GALNTL6: variants seen among roughly 807,000 people sequenced by gnomAD.
GALNTL6 encodes the protein polypeptide N-acetylgalactosaminyltransferase like 6, also known as polypeptide N-acetylgalactosaminyltransferase-like 6.
In GALNTL6, 46 loss-of-function variants were observed where a neutral mutation model predicts 73.7. The ratio of observed to expected loss-of-function variants is 0.62; its 90% CI spans 0.49 to 0.80. The LOEUF is 0.80. Ranked by LOEUF, GALNTL6 falls within the 30% of genes least tolerant of loss-of-function variation. GALNTL6 has a pLI of 0.00. For synonymous variants in GALNTL6, 259 were observed against 263.7 expected, an observed-to-expected ratio of 0.98 and a Z score of 0.17; for missense variants, 604 against 755.0, an observed-to-expected ratio of 0.80 and a Z score of 2.34.
intron 5 of GALNTL6, among the ~76,000 whole-genome samples, chr4:172,575,345 T>A (rs1736920535): frequency 6.6e-6 from 1 of 152,202 alleles, no homozygotes; most frequent in Admixed American, 6.5e-5. Context: ...ATAATCATGA[T>A]GAAAGTCCAT....
intron 9 of GALNTL6, among the ~76,000 whole-genome samples, chr4:172,940,899 C>T (rs1748888316): frequency 6.6e-6 from 1 of 152,070 alleles, no homozygotes; most frequent in African/African-American, 2.4e-5. Flanking sequence ...TCTCAAACTC[C>T]AGGAGGCCTC....
chr4:172,849,303 T>C lies in GALNTL6; in HGVS notation c.924-33487T>C, dbSNP rs541857938. Among the ~76,000 whole-genome samples, 91 of 152,260 alleles carry C rather than the reference T, an allele frequency of 6.0e-4. 1 individual carries two copies. Among genetic ancestry groups the C allele is most frequent in the African/African-American group, 2.2e-3 (90 of 41,556 alleles). ...ATTCTCAGGATATTGAACAAGACAC[T>C]AGCTCATAGAATCCCAATTGAAGGT... On this transcript the variant is annotated intron_variant, in intron 7 of 12. Coordinates refer to ENST00000506823, the MANE Select transcript of GALNTL6 (RefSeq NM_001034845.3).
intron 2 of GALNTL6, among the ~76,000 whole-genome samples, chr4:171,841,743 T>C (rs542353866): frequency 3.3e-5 from 5 of 152,160 alleles, no homozygotes; most frequent in African/African-American, 1.2e-4. Flanking sequence ...TGTAAAATGG[T>C]TAATTCCAGA....
intron 7 of GALNTL6, among the ~76,000 whole-genome samples, chr4:172,874,303 G>A (rs1745082449): frequency 6.6e-6 from 1 of 152,172 alleles, no homozygotes; most frequent in South Asian, 2.1e-4. Flanking sequence ...TCCTTCCAGG[G>A]TTGGATGGAG....
At chr4:173,010,834 T>C (rs1302234997) in intron 11 of GALNTL6, among the ~76,000 whole-genome samples, 14 of 151,468 alleles carry the variant, frequency 9.2e-5, no homozygotes, top group Admixed American at 9.2e-4. Context: ...CTCGATCTCC[T>C]GACCTCATGA....
intron 3 of GALNTL6, among the ~76,000 whole-genome samples, chr4:172,309,280 T>G (rs1475116637): frequency 2.0e-5 from 3 of 152,114 alleles, no homozygotes; most frequent in Admixed American, 6.5e-5. Flanking sequence ...AAAGATACTT[T>G]TTTTTTGAGG....
intron 10 of GALNTL6, among the ~76,000 whole-genome samples, chr4:172,960,970 T>G (rs1423037307): frequency 4.6e-5 from 5 of 107,982 alleles, no homozygotes; most frequent in South Asian, 6.0e-4. Flanking sequence ...TCCAGGAAAG[T>G]GGAGAAGGGG....
At chr4:171,814,323 C>A in intron 1 of GALNTL6, 89 bp from the exon 2 acceptor site, 1 of 543,946 alleles carries the variant, frequency 1.8e-6, no homozygotes, top group South Asian at 2.3e-5. Context: ...TTAATGATTT[C>A]TTTAGTCAAG....
chr4:172,898,610 C>G (rs1004745797), intron 8 of GALNTL6, among the ~76,000 whole-genome samples: 13 of 152,014 alleles, frequency 8.6e-5, no homozygotes, highest in Non-Finnish European at 1.9e-4. Context: ...TAAAATCTAA[C>G]CAGTTATTGC....
chr4:172,200,582 G>A lies in GALNTL6; in HGVS notation c.139-29074G>A, dbSNP rs114762298. Among the ~76,000 whole-genome samples the A allele has an allele frequency of 9.9e-3, 1,505 of 152,196 alleles. 29 individuals carry two copies. Among genetic ancestry groups the A allele is most frequent in the African/African-American group, 0.035 (1,436 of 41,532 alleles). On this transcript the variant is annotated intron_variant, in intron 2 of 12. Transcript: ENST00000506823. ...TTTGAAACCGTGCACTGATGCAGAT[G>A]GCAAGATAGAATTTAGACTTTATGT...
chr4:172,906,797 G>A (rs546594560), intron 8 of GALNTL6, among the ~76,000 whole-genome samples: 1 of 152,328 alleles, frequency 6.6e-6, no homozygotes, highest in African/African-American at 2.4e-5. Context: ...GCCAGCAGGA[G>A]AATTTCTCTC....
chr4:171,866,235 C>G lies in GALNTL6; in HGVS notation c.138+51517C>G, dbSNP rs150079039. On this transcript the variant is annotated intron_variant, in intron 2 of 12. Transcript: ENST00000506823. ...TATTATATAATGTCTTTCATAAATC[C>G]TCTAAGGTAATTGATATAATTCAAC... Among the ~76,000 whole-genome samples, 1,175 of 151,976 alleles carry G rather than the reference C, an allele frequency of 7.7e-3. 21 individuals are homozygous for G. The highest frequency in any genetic ancestry group is 0.027 in the African/African-American group (1,117 of 41,486).
At chr4:173,006,616 G>C (rs565340701) in intron 10 of GALNTL6, among the ~76,000 whole-genome samples, 5 of 152,314 alleles carry the variant, frequency 3.3e-5, no homozygotes, top group African/African-American at 9.6e-5. Flanking sequence ...CAAGGAAGGT[G>C]TAGTAAAGGT....
intron 2 of GALNTL6, among the ~76,000 whole-genome samples, chr4:172,011,024 C>T (rs545846610): frequency 6.6e-6 from 1 of 152,058 alleles, no homozygotes; most frequent in African/African-American, 2.4e-5. Flanking sequence ...AGTAAGAATT[C>T]CAATATTTGT....
intron 5 of GALNTL6, among the ~76,000 whole-genome samples, chr4:172,552,837 T>TTAAAAAAAA (rs1206029152): frequency 2.5e-5 from 2 of 80,410 alleles, no homozygotes; most frequent in Non-Finnish European, 4.1e-5. Flanking sequence ...GTAATTGCAG[T>TTAAAAAAAA]AAAAAAAAAA....
Position 171,964,830 on chromosome 4 carries a change from A to G in GALNTL6, c.138+150112A>G, listed in dbSNP as rs115502554. On this transcript the variant is annotated intron_variant, in intron 2 of 12. Transcript: ENST00000506823. Reference sequence around the variant, plus strand: ...TTGGACAAGCAAAGCTTCCTTGCCCAACACCATTCCTCTTTCGCAGAGGCA... The same window carrying G: ...TTGGACAAGCAAAGCTTCCTTGCCCGACACCATTCCTCTTTCGCAGAGGCA... Among the ~76,000 whole-genome samples, 632 of 152,278 alleles carry G rather than the reference A, an allele frequency of 4.2e-3. 3 individuals carry two copies. The highest frequency in any genetic ancestry group is 0.014 in the African/African-American group (596 of 41,560).
At chr4:172,465,324 A>G (rs1486181336) in intron 5 of GALNTL6, among the ~76,000 whole-genome samples, 1 of 152,016 alleles carries the variant, frequency 6.6e-6, no homozygotes, top group Non-Finnish European at 1.5e-5. Context: ...AAAAATACCA[A>G]ATATTAGCCG....
chr4:171,903,296 C>A (rs548879606), intron 2 of GALNTL6, among the ~76,000 whole-genome samples: 2 of 151,832 alleles, frequency 1.3e-5, no homozygotes, highest in African/African-American at 2.4e-5. Flanking sequence ...GCACCGTGCG[C>A]GAGCTGAAGC....
intron 2 of GALNTL6, among the ~76,000 whole-genome samples, chr4:172,060,222 A>C (rs1731154032): frequency 6.6e-6 from 1 of 152,236 alleles, no homozygotes; most frequent in African/African-American, 2.4e-5. Context: ...TTAAAAATTG[A>C]AGACAAAAGC....
Sources: gnomAD v4.1 joint callset for allele counts (sites outside exome capture counted in the v4.1 genomes callset) on GRCh38, gnomAD v4.1.1 for gene constraint, MANE v1.5 for transcripts, NCBI Gene and HGNC (gene_info 2026-07-23, HGNC 2026-07-21) for gene names.